The following MEGF6 variants were observed in gnomAD, a reference collection of about 807,000 sequenced individuals.
MEGF6 encodes multiple epidermal growth factor-like domains protein 6.
Under a neutral mutation model 207.1 loss-of-function variants are expected in MEGF6, and 184 were observed. The ratio of observed to expected loss-of-function variants is 0.89; its 90% CI spans 0.79 to 1.00. The LOEUF (loss-of-function observed/expected upper bound fraction) is 1.00. Ranked by LOEUF, MEGF6 falls within the 50% of genes least tolerant of loss-of-function variation. The pLI is 0.00. For missense variants in MEGF6, 2,282 were observed against 2,202.9 expected, an observed-to-expected ratio of 1.04 and a Z score of -0.72; for synonymous variants, 1,038 against 910.0, an observed-to-expected ratio of 1.14 and a Z score of -2.53.
At chr1:3,518,610 T>C (rs140922850) in intron 5 of MEGF6, among the ~76,000 whole-genome samples, 6 of 152,346 alleles carry the variant, frequency 3.9e-5, no homozygotes, top group Non-Finnish European at 8.8e-5. Flanking sequence ...CCAGCTCCTC[T>C]GCCCAAGCCT....
chr1:3,613,049 A>C (rs74782587), upstream of MEGF6, among the ~76,000 whole-genome samples: 3,457 of 152,208 alleles, frequency 0.023, 116 homozygotes, highest in African/African-American at 0.077. Flanking sequence ...CAACAACAAC[A>C]ACCATTGACA....
At chr1:3,586,422 T>C (rs1344017853) in intron 3 of MEGF6, among the ~76,000 whole-genome samples, 1 of 152,202 alleles carries the variant, frequency 6.6e-6, no homozygotes, top group African/African-American at 2.4e-5. Context: ...AGGCAGTGCA[T>C]GAGTGAGCTC....
At chr1:3,598,326 G>A (rs1182304609) in intron 2 of MEGF6, among the ~76,000 whole-genome samples, 4 of 152,206 alleles carry the variant, frequency 2.6e-5, no homozygotes, top group African/African-American at 9.6e-5. Flanking sequence ...CGGCGGGCGG[G>A]CCGCTTCCCG....
chr1:3,512,274 A>G (rs1334340735), intron 7 of MEGF6, 146 bp from the exon 8 acceptor site: 1 of 1,103,350 alleles, frequency 9.1e-7, no homozygotes, highest in Non-Finnish European at 1.3e-6. Flanking sequence ...ACTGTCCCTG[A>G]CGGCCACTAG....
chr1:3,595,272 C>T, intron 3 of MEGF6, 66 bp downstream of exon 3: 1 of 1,168,022 alleles, frequency 8.6e-7, no homozygotes, highest in Non-Finnish European at 1.3e-6. Flanking sequence ...GGGGCAGATT[C>T]ATGGCTCTGC....
At position 3,490,117 on chromosome 1, in the gene MEGF6, G is replaced by A. The variant is rs1033391418; in HGVS notation, c.*411C>T. 4.6e-6 allele frequency: 1 copy of A among 215,542 alleles called. No homozygotes were observed. 13.4% of individuals were successfully genotyped at this position (215,542 alleles called of 1,614,324 possible). On this transcript the variant is annotated 3_prime_UTR_variant, in exon 37 of 37. Coordinates refer to ENST00000356575, the MANE Select transcript of MEGF6 (RefSeq NM_001409.4). ...ATACCTTTACATAAATACGGGCTGG[G>A]CGACTTCCAGTCCCAGGGCCTAGCA...
At chr1:3,535,836 G>A (rs1232300184) in intron 4 of MEGF6, among the ~76,000 whole-genome samples, 1 of 152,174 alleles carries the variant, frequency 6.6e-6, no homozygotes, top group Non-Finnish European at 1.5e-5. Flanking sequence ...GTCCTCACTG[G>A]GCCACCTCCT....
intron 3 of MEGF6, among the ~76,000 whole-genome samples, chr1:3,592,132 C>T (rs1393563068): frequency 6.6e-6 from 1 of 152,206 alleles, no homozygotes; most frequent in Non-Finnish European, 1.5e-5. Context: ...AGCCCAACAA[C>T]CTCACACAGT....
At chr1:3,558,757 T>C (rs1375253119) in intron 4 of MEGF6, among the ~76,000 whole-genome samples, 2 of 152,218 alleles carry the variant, frequency 1.3e-5, no homozygotes, top group African/African-American at 4.8e-5. Context: ...AGAAGTGAAG[T>C]TGCCTTGCTG....
chr1:3,497,033 T>C lies in MEGF6; in HGVS notation c.3568A>G (p.Thr1190Ala). 1 of 1,553,038 alleles carries C rather than the reference T, an allele frequency of 6.4e-7. No individual in the cohort carries two copies. The highest frequency in any genetic ancestry group is 1.2e-5 in the South Asian group (1 of 84,398). Residue 1190 changes from threonine to alanine, a missense_variant, in exon 28 of 37, where the codon ACC becomes GCC. By Grantham distance (58) the Thr-to-Ala change is moderately conservative. Transcript: ENST00000356575. ...TGGTAGCCAGCAGCACATGAGCAGGTCCCGGTGGCAGGGTGGCAGGCCGGG... is the reference window on the plus strand; with the variant it reads ...TGGTAGCCAGCAGCACATGAGCAGGCCCCGGTGGCAGGGTGGCAGGCCGGG... Reference protein sequence around the residue: ...ENPACHPATGTCSCAAGYHGP... With the variant: ...ENPACHPATGACSCAAGYHGP...
intron 4 of MEGF6, among the ~76,000 whole-genome samples, chr1:3,564,101 C>A (rs12082190): frequency 0.42 from 63,704 of 151,244 alleles, 15,271 homozygotes; most frequent in African/African-American, 0.67. Flanking sequence ...CTCCTGACAA[C>A]AGCAGAGGAG....
chr1:3,599,999 G>A (rs1044128521), intron 2 of MEGF6, among the ~76,000 whole-genome samples: 1 of 152,184 alleles, frequency 6.6e-6, no homozygotes, highest in Non-Finnish European at 1.5e-5. Context: ...AACCAGCGAT[G>A]AAACCACGAG....
chr1:3,601,505 T>C (rs1367306007), intron 2 of MEGF6, among the ~76,000 whole-genome samples: 2 of 152,198 alleles, frequency 1.3e-5, no homozygotes, highest in Non-Finnish European at 2.9e-5. Context: ...TCAGGATCCC[T>C]GAACCTCAGC....
At chr1:3,598,386 CT>C (rs1644105074) in intron 2 of MEGF6, among the ~76,000 whole-genome samples, 1 of 152,240 alleles carries the variant, frequency 6.6e-6, no homozygotes, top group South Asian at 2.1e-4. Context: ...CTGGGAGCGC[CT>C]TGCAAACCCC....
chr1:3,531,040 C>G (rs1642144085), intron 4 of MEGF6: 1 of 1,456,818 alleles, frequency 6.9e-7, no homozygotes, highest in Non-Finnish European at 9.0e-7. Flanking sequence ...GGGGAGCGCC[C>G]TGGCCCCGCC....
In MEGF6 at chr1:3,512,118, T is replaced by C; in HGVS notation, c.864A>G (p.Glu288=). 1 of 1,607,182 alleles carries C rather than the reference T, an allele frequency of 6.2e-7. No homozygotes were observed. The highest frequency in any genetic ancestry group is 1.1e-5 in the South Asian group (1 of 90,718). ...ADGKACEDVD[E]CAAGLAQCAH... ...CACACTGGGCCAGCCCTGCGGCACA[T>C]TCGTCCACATCTGGAGGGGAGAGAC... The change falls in exon 8 of 37, where the codon GAA becomes GAG. Residue 288 remains glutamate (E), a synonymous_variant. Coordinates refer to ENST00000356575, the MANE Select transcript of MEGF6 (RefSeq NM_001409.4).
At position 3,595,495 on chromosome 1, in the gene MEGF6, G is replaced by T. The variant is rs775474301; in HGVS notation, c.267-48C>A. 3.3e-6 allele frequency: 5 copies of T among 1,511,306 alleles called. No homozygotes were observed. In the East Asian group the frequency reaches 9.0e-5, roughly 27 times the overall value. 93.6% of individuals were successfully genotyped at this position (1,511,306 alleles called of 1,614,324 possible). On this transcript the variant is annotated intron_variant, in intron 2 of 36. Transcript: ENST00000356575. The stretch of plus-strand genomic sequence containing the variant: ...AGTGCTTACCGTCGCGGGACTGGCT[G>T]TATTCGGCTCTCACTGCACCCCTGG...
At chr1:3,532,244 CG>C (rs1642201424) in intron 4 of MEGF6, among the ~76,000 whole-genome samples, 1 of 152,240 alleles carries the variant, frequency 6.6e-6, no homozygotes, top group South Asian at 2.1e-4. Flanking sequence ...ATTAGAGCCT[CG>C]TCAAGCACTT....
chr1:3,607,872 C>T lies in MEGF6; in HGVS notation c.131+3266G>A, dbSNP rs989195577. 1.1e-4 allele frequency among the ~76,000 whole-genome samples: 17 copies of T among 152,318 alleles called. No individual in the cohort carries two copies. In the East Asian group the frequency reaches 1.5e-3, roughly 14 times the overall value. ...GGGCAAGAGATGGGCGGGCATGCTGCGGGGTCCCTCCAGGGCAGGCAGCGA... is the reference window on the plus strand; with the variant it reads ...GGGCAAGAGATGGGCGGGCATGCTGTGGGGTCCCTCCAGGGCAGGCAGCGA... On this transcript the variant is annotated intron_variant, in intron 1 of 36. Transcript: ENST00000356575.
Sources: gnomAD v4.1 joint callset for allele counts (sites outside exome capture counted in the v4.1 genomes callset) on GRCh38, gnomAD v4.1.1 for gene constraint, MANE v1.5 for transcripts, NCBI Gene and HGNC (gene_info 2026-07-23, HGNC 2026-07-21) for gene names.